DRP2: variants seen among roughly 807,000 people sequenced by gnomAD.
The protein encoded by DRP2 is dystrophin-related protein 2.
Under a neutral mutation model 78.2 loss-of-function variants are expected in DRP2, and 29 were observed. That is an observed-to-expected ratio of 0.37 (90% CI 0.28 to 0.51). DRP2 has a LOEUF of 0.51. Among genes scored for constraint, DRP2 ranks in the 20% least tolerant of loss-of-function variants. DRP2 has a pLI of 0.94. For missense variants in DRP2, 686 were observed against 770.6 expected, an observed-to-expected ratio of 0.89 and a Z score of 1.30; for synonymous variants, 290 against 281.9, an observed-to-expected ratio of 1.03 and a Z score of -0.29.
chrX:101,238,876 G>T, intron 5 of DRP2, 105 bp from the exon 6 acceptor site: 1 of 1,026,187 alleles, frequency 9.7e-7, no homozygotes, highest in South Asian at 2.3e-5. Flanking sequence ...TAATGCCAAA[G>T]AATCAAGACA....
Position 101,252,698 on chromosome X carries a change from C to T in DRP2, c.1959C>T (p.Ile653=), listed in dbSNP as rs1212446959. ...AAGGCAATAAGCTGCACTACCCCATCATGGAGTATTACACACCGGTATGAA... is the reference window on the plus strand; with the variant it reads ...AAGGCAATAAGCTGCACTACCCCATTATGGAGTATTACACACCGGTATGAA... The part of the protein sequence containing the change: ...ASKGNKLHYP[I]MEYYTPTTSS... The change falls in exon 17 of 24, where the codon ATC becomes ATT. Residue 653 remains isoleucine, a synonymous_variant. Transcript: ENST00000395209. 19 of 1,209,385 alleles carry T rather than the reference C, an allele frequency of 1.6e-5. No homozygotes were observed. The highest frequency in any genetic ancestry group is 2.1e-5 in the Non-Finnish European group (19 of 894,373).
rs993978490 is a variant in DRP2 at position 101,250,645 on chromosome X, GGAGGACTAC to G, written c.1698+69_1698+77del. On this transcript the variant is annotated intron_variant, in intron 15 of 23. Coordinates refer to ENST00000395209, the MANE Select transcript of DRP2 (RefSeq NM_001939.3). The stretch of plus-strand genomic sequence containing the variant: ...TGCAGGAAGGGTGGGAAGAAGGGAA[GGAGGACTAC>G]GAGCTAGGCTTTTGATCTGAAGTAC... 4.0e-5 allele frequency: 45 copies of G among 1,132,453 alleles called. No individual in the cohort carries two copies. The South Asian group carries it at 9.1e-4, about 23-fold the overall frequency. 93.3% of individuals were successfully genotyped at this position (1,132,453 alleles called of 1,213,427 possible). A position where few individuals can be genotyped will look rare whatever the true frequency, so the allele number is the denominator to read the frequency against.
Position 101,241,928 on chromosome X carries a change from G to T in DRP2, c.820G>T (p.Ala274Ser). Residue 274 changes from alanine to serine, a missense_variant, in exon 7 of 24, where the codon GCT becomes TCT. By Grantham distance (99) the Ala-to-Ser change is moderately conservative (BLOSUM62 1). This residue lies in a region of DRP2 where 263 missense variants were observed against 239.1 expected (regional missense o/e 1.10). Transcript: ENST00000395209. ...TGATTCACTCCCAGAGCACATCCAG[G>T]CTATTAAGGTATGCAAGCCCCCTCC... ...FIDSLPEHIQ[A>S]IKLFKEEFSP... The T allele has an allele frequency of 8.6e-7, 1 of 1,165,938 alleles. No homozygotes were observed. Among genetic ancestry groups the T allele is most frequent in the African/African-American group, 1.8e-5 (1 of 56,139 alleles).
At position 101,259,997 on chromosome X, in the gene DRP2, G is replaced by A. The variant is rs5967281; in HGVS notation, c.2629-52G>A. The A allele has an allele frequency of 0.38, 451,461 of 1,201,415 alleles. 62,066 individuals are homozygous for A. Among genetic ancestry groups the A allele is most frequent in the African/African-American group, 0.74 (42,051 of 56,670 alleles). The stretch of plus-strand genomic sequence containing the variant: ...CCCTTCTAAGCTCAGGAGTCTGTCA[G>A]AGTAAGGTCAGGAAGGCAAATCCAC... On this transcript the variant is annotated intron_variant, in intron 22 of 23. Coordinates refer to ENST00000395209, the MANE Select transcript of DRP2 (RefSeq NM_001939.3).
chrX:101,242,483 G>A lies in DRP2; in HGVS notation c.975+12G>A. The A allele has an allele frequency of 8.3e-7, 1 of 1,202,889 alleles. No individual in the cohort carries two copies. Among genetic ancestry groups the A allele is most frequent in the Non-Finnish European group, 1.1e-6 (1 of 891,763 alleles). On this transcript the variant is annotated intron_variant, in intron 8 of 23. Coordinates refer to ENST00000395209, the MANE Select transcript of DRP2 (RefSeq NM_001939.3). ...GGAAACAACTACAGGTAGAAGAGCA[G>A]CCTGGAGTGAACCATGGGGAGGTGC...
At chrX:101,245,235 G>A (rs1054596412) in intron 10 of DRP2, among the ~76,000 whole-genome samples, 153 bp from the exon 11 acceptor site, 6 of 111,941 alleles carry the variant, frequency 5.4e-5, no homozygotes, top group Middle Eastern at 4.6e-3. Context: ...TTCTACTTGG[G>A]TAAAGGTGAA....
intron 2 of DRP2, among the ~76,000 whole-genome samples, chrX:101,229,623 CTT>C (rs1886250621): frequency 9.1e-6 from 1 of 110,144 alleles, no homozygotes; most frequent in South Asian, 3.9e-4. Context: ...AGAAGGGCCT[CTT>C]ATATCTAAAA....
rs766073418 is a variant in DRP2 at position 101,258,410 on chromosome X, G to A, written c.2492G>A (p.Arg831His). Reference sequence around the variant, plus strand: ...TCCACTGAGGCAGCAACAGACCACCGCAATGAGGAGCTTCTGGCCGAGGCC... The same window carrying A: ...TCCACTGAGGCAGCAACAGACCACCACAATGAGGAGCTTCTGGCCGAGGCC... ...DGSTEAATDH[R>H]NEELLAEARI... The change falls in exon 22 of 24, where the codon CGC becomes CAC. Residue 831 changes from arginine (R) to histidine (H), a missense_variant. Around this residue, in one of 2 missense-constraint regions of DRP2, gnomAD observed 423 missense variants for 531.5 expected, o/e 0.80. Coordinates refer to ENST00000395209, the MANE Select transcript of DRP2 (RefSeq NM_001939.3). The A allele has an allele frequency of 4.1e-6, 5 of 1,204,984 alleles. No individual in the cohort carries two copies. The highest frequency in any genetic ancestry group is 2.3e-4 in the Middle Eastern group (1 of 4,368).
At chrX:101,256,579 C>T (rs1429232763) in intron 21 of DRP2, among the ~76,000 whole-genome samples, 2 of 106,567 alleles carry the variant, frequency 1.9e-5, no homozygotes, top group Admixed American at 1.0e-4. Flanking sequence ...GACAGAGTCT[C>T]ACTCTGTTGC....
intron 4 of DRP2, among the ~76,000 whole-genome samples, chrX:101,236,447 A>G (rs1423516643): frequency 8.9e-6 from 1 of 111,792 alleles, no homozygotes; most frequent in Admixed American, 9.5e-5. Context: ...GCTGTCCTAT[A>G]TCTTGGTAGG....
rs188731240 is a variant in DRP2 at position 101,241,261 on chromosome X, C to G, written c.560-407C>G. 1.2e-4 allele frequency among the ~76,000 whole-genome samples: 13 copies of G among 111,900 alleles called. No homozygotes were observed. In the East Asian group the frequency reaches 3.4e-3, roughly 29 times the overall value. On this transcript the variant is annotated intron_variant, in intron 6 of 23. Transcript: ENST00000395209. The stretch of plus-strand genomic sequence containing the variant: ...AGAACTAAACACACGTGTACACACA[C>G]ACACATACACACACGAATACAAGTA...
chrX:101,248,055 A>T lies in DRP2; in HGVS notation c.1253-34A>T, dbSNP rs747111804. On this transcript the variant is annotated intron_variant, in intron 12 of 23. Transcript: ENST00000395209. The stretch of plus-strand genomic sequence containing the variant: ...AATCCCTGGGGTTCTACTTTTGGCT[A>T]TATTTTTTTTCTCTTCTCTTCTTTC... 5 of 1,181,567 alleles carry T rather than the reference A, an allele frequency of 4.2e-6. No homozygotes were observed. The Middle Eastern group carries it at 9.5e-4, about 224-fold the overall frequency.
At chrX:101,233,237 A>G (rs1238691302) in intron 3 of DRP2, among the ~76,000 whole-genome samples, 1 of 112,103 alleles carries the variant, frequency 8.9e-6, no homozygotes, top group Non-Finnish European at 1.9e-5. Context: ...ACATGGGTAG[A>G]GCCCAGCTCA....
In DRP2 at chrX:101,248,606, A is replaced by G; in HGVS notation, c.1540+7A>G. On this transcript the variant is annotated splice_region_variant and intron_variant, in intron 14 of 23. Transcript: ENST00000395209. Reference sequence around the variant, plus strand: ...GTGAAGGAAAAACTTCAGTGTGAGTAGAACTCCAAAGTGTGGAGTGGTGTT... The same window carrying G: ...GTGAAGGAAAAACTTCAGTGTGAGTGGAACTCCAAAGTGTGGAGTGGTGTT... 8.3e-7 allele frequency: 1 copy of G among 1,203,008 alleles called. No homozygotes were observed. The highest frequency in any genetic ancestry group is 1.1e-6 in the Non-Finnish European group (1 of 887,520).
chrX:101,244,072 G>A (rs768221185), intron 9 of DRP2, among the ~76,000 whole-genome samples: 1 of 111,772 alleles, frequency 8.9e-6, no homozygotes, highest in African/African-American at 3.3e-5. Flanking sequence ...AGGAACTTCA[G>A]ATTTTATTCT....
chrX:101,242,544 G>C (rs147741952), intron 8 of DRP2, 73 bp downstream of exon 8: 2 of 1,127,232 alleles, frequency 1.8e-6, no homozygotes, highest in African/African-American at 1.8e-5. Context: ...ACTTCTTCAG[G>C]GGTATGGAAA....
rs1162777356 is a variant in DRP2, at chrX:101,263,948, G to A, written c.*3327G>A. The A allele has an allele frequency of 1.8e-5, 2 of 111,684 alleles. No individual in the cohort carries two copies. The highest frequency in any genetic ancestry group is 2.8e-4 in the East Asian group (1 of 3,583). 9.2% of individuals were successfully genotyped at this position (111,684 alleles called of 1,213,427 possible). On this transcript the variant is annotated 3_prime_UTR_variant, in exon 24 of 24. Transcript: ENST00000395209. The stretch of plus-strand genomic sequence containing the variant: ...CTCAGTGGCAGAGTCATGGTCTGTG[G>A]CACCATTTCAAGGCCAAAAATCCCA...
chrX:101,238,506 A>T (rs1922593766), intron 5 of DRP2, among the ~76,000 whole-genome samples: 1 of 111,080 alleles, frequency 9.0e-6, no homozygotes, highest in Admixed American at 9.6e-5. Context: ...GGGGTGGGGC[A>T]TGAAGGTGAG....
intron 14 of DRP2, among the ~76,000 whole-genome samples, chrX:101,249,391 TATG>T (rs1923050453): frequency 8.9e-6 from 1 of 112,298 alleles, no homozygotes; most frequent in Non-Finnish European, 1.9e-5. Flanking sequence ...TGTTCGTGGC[TATG>T]ATATTATGTA....
Sources: allele counts gnomAD v4.1 joint callset (sites outside exome capture counted in the v4.1 genomes callset), GRCh38; gene constraint gnomAD v4.1.1; regional missense constraint gnomAD v4.1.1; transcripts MANE v1.5; gene names NCBI Gene and HGNC (gene_info 2026-07-23, HGNC 2026-07-21).